Variants in LETM1 observed in about 807,000 individuals in gnomAD.
The protein encoded by LETM1 is leucine zipper and EF-hand containing transmembrane protein 1, also known as mitochondrial proton/calcium exchanger protein.
A neutral mutation model predicts 74.5 loss-of-function variants in LETM1; 50 were observed. That is an observed-to-expected ratio of 0.67 (90% CI 0.53 to 0.85). LETM1 has a LOEUF of 0.85. Among genes scored for constraint, LETM1 ranks in the 40% least tolerant of loss-of-function variants. LETM1 has a pLI of 0.00. For synonymous variants in LETM1, 446 were observed against 407.1 expected, an observed-to-expected ratio of 1.10 and a Z score of -1.15; for missense variants, 824 against 967.8, an observed-to-expected ratio of 0.85 and a Z score of 1.97.
intron 2 of LETM1, among the ~76,000 whole-genome samples, chr4:1,843,938 C>T (rs1414060250): frequency 2.6e-5 from 4 of 152,234 alleles, no homozygotes; most frequent in Non-Finnish European, 5.9e-5. Flanking sequence ...GGTGGGCTCA[C>T]CTCCCTGTGT....
rs556747102 is a variant in LETM1 at position 1,816,735 on chromosome 4, C to T, written c.1923G>A (p.Met641Ile). Residue 641 changes from methionine to isoleucine, a missense_variant, in exon 12 of 14, where the codon ATG becomes ATA. Met to Ile is a conservative substitution (Grantham distance 10). Transcript: ENST00000302787. Reference sequence around the variant, plus strand: ...CCCACCACCCCACTCACCCCGTGGGCATGCCGTTGGCCGGGGCCAGCTTGC... The same window carrying T: ...CCCACCACCCCACTCACCCCGTGGGTATGCCGTTGGCCGGGGCCAGCTTGC... ...QAGKLAPANG[M>I]PTGENVISVA... is the part of the protein sequence containing the mutation. 3 of 1,614,052 alleles carry T rather than the reference C, an allele frequency of 1.9e-6. No homozygotes were observed. Among genetic ancestry groups the T allele is most frequent in the African/African-American group, 1.3e-5 (1 of 75,066 alleles).
At chr4:1,823,292 G>A (rs1285456720) in intron 8 of LETM1, among the ~76,000 whole-genome samples, 161 bp from the exon 9 acceptor site, 1 of 152,206 alleles carries the variant, frequency 6.6e-6, no homozygotes, top group Non-Finnish European at 1.5e-5. Flanking sequence ...CAATTGCTGG[G>A]AGGCCCCTGG....
chr4:1,850,340 C>T (rs1247435607), intron 1 of LETM1, among the ~76,000 whole-genome samples: 1 of 152,128 alleles, frequency 6.6e-6, no homozygotes, highest in Non-Finnish European at 1.5e-5. Flanking sequence ...TAGATCCTGA[C>T]TCCAGACACC....
At chr4:1,818,493 G>C (rs1711655982) in intron 11 of LETM1, among the ~76,000 whole-genome samples, 1 of 151,304 alleles carries the variant, frequency 6.6e-6, no homozygotes, top group African/African-American at 2.4e-5. Context: ...CATGCCTGTA[G>C]TCCCAGCTAC....
intron 6 of LETM1, among the ~76,000 whole-genome samples, chr4:1,830,372 C>A (rs1361935259): frequency 6.6e-6 from 1 of 152,196 alleles, no homozygotes; most frequent in Non-Finnish European, 1.5e-5. Context: ...CCCTCTGTTG[C>A]CCAGGCTGAG....
intron 6 of LETM1, among the ~76,000 whole-genome samples, chr4:1,830,906 G>A (rs1189081693): frequency 1.3e-5 from 2 of 152,172 alleles, no homozygotes; most frequent in Admixed American, 6.5e-5. Context: ...ATGGTGGCAT[G>A]GGCGGTGGGT....
intron 11 of LETM1, 41 bp from the exon 12 acceptor site, chr4:1,816,955 G>A (rs1363007772): frequency 1.3e-6 from 2 of 1,547,050 alleles, no homozygotes; most frequent in South Asian, 1.1e-5. Flanking sequence ...TGTCTTAAAA[G>A]AAAAAGGGGG....
intron 3 of LETM1, among the ~76,000 whole-genome samples, chr4:1,838,986 C>G (rs1475735023): frequency 6.6e-6 from 1 of 152,156 alleles, no homozygotes; most frequent in Admixed American, 6.5e-5. Context: ...TTAAAATAAA[C>G]TAATTGAGCT....
intron 1 of LETM1, among the ~76,000 whole-genome samples, chr4:1,853,516 G>T (rs551078701): frequency 6.6e-6 from 1 of 152,162 alleles, no homozygotes; most frequent in East Asian, 1.9e-4. Flanking sequence ...GAAACATCAA[G>T]AAATACCAGT....
intron 1 of LETM1, among the ~76,000 whole-genome samples, chr4:1,855,555 C>T (rs1713211657): frequency 6.6e-6 from 1 of 152,282 alleles, no homozygotes; most frequent in Non-Finnish European, 1.5e-5. Context: ...TGGACACGTT[C>T]CACCAAGCTT....
Position 1,823,143 on chromosome 4 carries a change from G to C in LETM1, c.1333-12C>G. On this transcript the variant is annotated splice_polypyrimidine_tract_variant and intron_variant, in intron 8 of 13. Coordinates refer to ENST00000302787, the MANE Select transcript of LETM1 (RefSeq NM_012318.3). ...TGTGCTTCCTTTGCCTTCAGAAGAGGGTACATCTGTGGGTGAGCCCAGAAG... is the reference window on the plus strand; with the variant it reads ...TGTGCTTCCTTTGCCTTCAGAAGAGCGTACATCTGTGGGTGAGCCCAGAAG... 6.3e-7 allele frequency: 1 copy of C among 1,576,844 alleles called. No individual in the cohort carries two copies. Among genetic ancestry groups the C allele is most frequent in the South Asian group, 1.1e-5 (1 of 87,292 alleles).
chr4:1,824,061 G>A (rs1451219617), intron 7 of LETM1, among the ~76,000 whole-genome samples: 3 of 152,178 alleles, frequency 2.0e-5, no homozygotes, highest in South Asian at 2.1e-4. Flanking sequence ...GGTGGCTCAC[G>A]CCTGTAATCC....
chr4:1,835,092 C>T, intron 4 of LETM1, 110 bp from the exon 5 acceptor site: 1 of 990,424 alleles, frequency 1.0e-6, no homozygotes, highest in East Asian at 2.5e-5. Flanking sequence ...TTTCACAACA[C>T]ACTGACTCTC....
At chr4:1,848,961 T>C (rs1340326643) in intron 2 of LETM1, among the ~76,000 whole-genome samples, 188 bp downstream of exon 2, 1 of 152,172 alleles carries the variant, frequency 6.6e-6, no homozygotes, top group Non-Finnish European at 1.5e-5. Flanking sequence ...GTTTCTATAC[T>C]GTCTATAGAT....
chr4:1,838,623 A>AGCCATGCCTT (rs1712572321), intron 3 of LETM1, among the ~76,000 whole-genome samples: 1 of 152,212 alleles, frequency 6.6e-6, no homozygotes, highest in African/African-American at 2.4e-5. Context: ...GGCTTTGGTT[A>AGCCATGCCTT]GCCATGAGGT....
At chr4:1,821,241 T>C (rs1711764633) in intron 10 of LETM1, among the ~76,000 whole-genome samples, 1 of 151,728 alleles carries the variant, frequency 6.6e-6, no homozygotes, top group African/African-American at 2.4e-5. Flanking sequence ...TACAGGTGCA[T>C]GCCACCATGT....
chr4:1,824,640 G>C (rs1044800188), intron 7 of LETM1, among the ~76,000 whole-genome samples: 7 of 152,196 alleles, frequency 4.6e-5, no homozygotes, highest in African/African-American at 1.4e-4. Context: ...AGAAGGAAAA[G>C]TGTGAACACA....
In LETM1 at chr4:1,823,755, A is replaced by T. The variant is rs767719961; in HGVS notation, c.1221T>A (p.His407Gln). The T allele has an allele frequency of 6.2e-7, 1 of 1,612,754 alleles. No individual in the cohort carries two copies. Among genetic ancestry groups the T allele is most frequent in the Non-Finnish European group, 8.5e-7 (1 of 1,179,314 alleles). ...QLKQWLDLHL[H>Q]QEIPTSLLIL... ...TGAGCAGCGATGTGGGGATCTCCTGATGCAGGTGCAGGTCCAGCCACTGCA... is the reference window on the plus strand; with the variant it reads ...TGAGCAGCGATGTGGGGATCTCCTGTTGCAGGTGCAGGTCCAGCCACTGCA... Residue 407 changes from histidine to glutamine, a missense_variant, in exon 8 of 14, where the codon CAT becomes CAA. Physicochemically the swap from His to Gln is conservative, Grantham distance 24. Coordinates refer to ENST00000302787, the MANE Select transcript of LETM1 (RefSeq NM_012318.3).
intron 3 of LETM1, among the ~76,000 whole-genome samples, chr4:1,838,714 A>G (rs775352028): frequency 4.6e-5 from 7 of 152,148 alleles, no homozygotes; most frequent in Non-Finnish European, 8.8e-5. Flanking sequence ...TAGAGCCACA[A>G]AAACGTAATA....
Sources: gnomAD v4.1 joint callset for allele counts (sites outside exome capture counted in the v4.1 genomes callset) on GRCh38, gnomAD v4.1.1 for gene constraint, MANE v1.5 for transcripts, NCBI Gene and HGNC (gene_info 2026-07-23, HGNC 2026-07-21) for gene names.